The following FGD3 variants were observed in gnomAD, a reference collection of about 807,000 sequenced individuals.
FGD3 encodes FYVE, RhoGEF and PH domain containing 3.
A neutral mutation model predicts 71.8 loss-of-function variants in FGD3; 45 were observed. That is an observed-to-expected ratio of 0.63 (90% CI 0.49 to 0.80). FGD3 has a LOEUF of 0.80. Among genes scored for constraint, FGD3 ranks in the 30% least tolerant of loss-of-function variants. The pLI, the probability that FGD3 is intolerant of heterozygous loss-of-function variation, is 0.00. For synonymous variants in FGD3, 378 were observed against 392.8 expected, an observed-to-expected ratio of 0.96 and a Z score of 0.44; for missense variants, 844 against 951.5, an observed-to-expected ratio of 0.89 and a Z score of 1.49.
chr9:92,976,143 G>A (rs779569332), intron 2 of FGD3, 65 bp from the exon 3 acceptor site: 1 of 991,194 alleles, frequency 1.0e-6, no homozygotes, highest in Non-Finnish European at 1.5e-6. Flanking sequence ...GCATTTGGGG[G>A]TTGCACCTGA....
chr9:93,025,295 C>T (rs1862076396), intron 14 of FGD3, among the ~76,000 whole-genome samples: 1 of 152,214 alleles, frequency 6.6e-6, no homozygotes, highest in Non-Finnish European at 1.5e-5. Flanking sequence ...GAGCTGGGCC[C>T]ACGACAGACC....
chr9:92,961,095 C>T (rs1011035958), intron 1 of FGD3, among the ~76,000 whole-genome samples: 2 of 152,140 alleles, frequency 1.3e-5, no homozygotes, highest in African/African-American at 2.4e-5. Context: ...TGGTCCCACA[C>T]AGGCCCCTCT....
chr9:93,015,899 C>G, intron 10 of FGD3, 70 bp downstream of exon 10: 1 of 1,403,230 alleles, frequency 7.1e-7, no homozygotes, highest in Non-Finnish European at 1.0e-6. Context: ...GGACACCAGG[C>G]TCTGGCCGCT....
At chr9:93,027,927 C>T (rs1421024028) in intron 14 of FGD3, among the ~76,000 whole-genome samples, 1 of 151,916 alleles carries the variant, frequency 6.6e-6, no homozygotes, top group African/African-American at 2.4e-5. Context: ...CTATGTCGCC[C>T]AGATTGGTCT....
intron 1 of FGD3, among the ~76,000 whole-genome samples, chr9:92,949,321 G>A (rs1017687183): frequency 3.9e-5 from 6 of 152,166 alleles, no homozygotes; most frequent in African/African-American, 9.7e-5. Flanking sequence ...GCTGTTGGGT[G>A]AAAGAGCTGA....
intron 3 of FGD3, among the ~76,000 whole-genome samples, chr9:92,998,195 T>C (rs1350742386): frequency 6.6e-6 from 1 of 152,162 alleles, no homozygotes; most frequent in Non-Finnish European, 1.5e-5. Flanking sequence ...TCTAAACTTC[T>C]CTTCTCACTT....
intron 16 of FGD3, 144 bp from the exon 17 acceptor site, chr9:93,034,397 G>C: frequency 9.0e-7 from 1 of 1,110,900 alleles, no homozygotes; most frequent in Non-Finnish European, 1.3e-6. Context: ...GGGTGAGGCT[G>C]GTCCCAGTCT....
Position 92,982,860 on chromosome 9 carries a change from T to C in FGD3, c.453+6151T>C, listed in dbSNP as rs149660921. 5.0e-3 allele frequency among the ~76,000 whole-genome samples: 753 copies of C among 151,904 alleles called. 15 individuals are homozygous for C. The highest frequency in any genetic ancestry group is 0.027 in the East Asian group (139 of 5,164). On this transcript the variant is annotated intron_variant, in intron 3 of 17. Coordinates refer to ENST00000375482, the MANE Select transcript of FGD3 (RefSeq NM_001083536.2). The stretch of plus-strand genomic sequence containing the variant: ...CAGCACTTTGAGAGGCTGAGGCAAA[T>C]GGATCACCTGAGGTCAGGAGTTCAA...
intron 3 of FGD3, among the ~76,000 whole-genome samples, chr9:92,993,235 G>A (rs539518798): frequency 2.6e-5 from 4 of 152,122 alleles, no homozygotes; most frequent in Non-Finnish European, 5.9e-5. Context: ...GAGTAGGGGG[G>A]ACTGTAGGTG....
intron 14 of FGD3, among the ~76,000 whole-genome samples, chr9:93,029,016 TTTTTTTTTTTTTTTTTTTTTTG>T (rs1862250703): frequency 1.6e-5 from 2 of 128,004 alleles, no homozygotes; most frequent in African/African-American, 3.0e-5. Flanking sequence ...TTTTTTTTTT[TTTTTTTTTTTTTTTTTTTTTTG>T]AGACAGAATC....
chr9:93,016,335 CTTTTTTTTTT>C (rs71511639), intron 10 of FGD3, among the ~76,000 whole-genome samples: 88 of 108,508 alleles, frequency 8.1e-4, no homozygotes, highest in African/African-American at 2.8e-3. Flanking sequence ...GAATGACCTT[CTTTTTTTTTT>C]TTTTTTTTTT....
intron 1 of FGD3, chr9:92,964,425 G>A (rs1234016542): frequency 1.3e-5 from 2 of 152,260 alleles, no homozygotes; most frequent in African/African-American, 4.8e-5. Flanking sequence ...CTTTGGGGTG[G>A]TAGGAACATT....
chr9:93,032,625 A>G (rs1862397425), intron 15 of FGD3, 144 bp from the exon 16 acceptor site: 5 of 778,222 alleles, frequency 6.4e-6, no homozygotes, highest in Non-Finnish European at 1.1e-5. Context: ...CTCAAGGAGA[A>G]GCTCTTATCC....
rs1457619327 is a variant in FGD3, at chr9:93,004,658, A to C, written c.680+521A>C. Among the ~76,000 whole-genome samples the C allele has an allele frequency of 2.0e-5, 3 of 152,084 alleles. No homozygotes were observed. The East Asian group carries it at 5.8e-4, about 29-fold the overall frequency. Reference sequence around the variant, plus strand: ...TCCCAGGCTGGCCCCCAGACTCATCAGTTCCCCACGTTGCGTGTTGCGTTT... The same window carrying C: ...TCCCAGGCTGGCCCCCAGACTCATCCGTTCCCCACGTTGCGTGTTGCGTTT... On this transcript the variant is annotated intron_variant, in intron 5 of 17. Transcript: ENST00000375482.
At chr9:92,958,991 G>A (rs561130483) in intron 1 of FGD3, among the ~76,000 whole-genome samples, 100 of 152,026 alleles carry the variant, frequency 6.6e-4, no homozygotes, top group African/African-American at 2.2e-3. Flanking sequence ...ATGGAGTCTC[G>A]CTCTGTCGCC....
At chr9:92,966,545 G>T (rs1295329169) in intron 1 of FGD3, among the ~76,000 whole-genome samples, 1 of 152,258 alleles carries the variant, frequency 6.6e-6, no homozygotes, top group Non-Finnish European at 1.5e-5. Flanking sequence ...CCACCCTCCA[G>T]GTGGGGGCAC....
chr9:93,004,437 CAGTGGAT>C (rs1352276782), intron 5 of FGD3, among the ~76,000 whole-genome samples: 1 of 152,240 alleles, frequency 6.6e-6, no homozygotes. Context: ...AAACACCACA[CAGTGGAT>C]AGTGCTAGTT....
At chr9:93,023,942 C>G (rs1862027586) in intron 14 of FGD3, among the ~76,000 whole-genome samples, 1 of 151,830 alleles carries the variant, frequency 6.6e-6, no homozygotes, top group Non-Finnish European at 1.5e-5. Flanking sequence ...GCTGGGACTA[C>G]AGGCACGTGC....
intron 3 of FGD3, among the ~76,000 whole-genome samples, chr9:92,992,053 G>C (rs1860433458): frequency 6.6e-6 from 1 of 152,272 alleles, no homozygotes; most frequent in African/African-American, 2.4e-5. Flanking sequence ...CAGGTAAGGG[G>C]AGTTTCTTGT....
Sources: gnomAD v4.1 joint callset for allele counts (sites outside exome capture counted in the v4.1 genomes callset) on GRCh38, gnomAD v4.1.1 for gene constraint, MANE v1.5 for transcripts, NCBI Gene and HGNC (gene_info 2026-07-23, HGNC 2026-07-21) for gene names.